Variants in PKP4 observed in about 807,000 individuals in gnomAD.
PKP4 encodes the protein plakophilin-4.
PKP4 carries 90 observed loss-of-function variants against 145.1 expected under a neutral mutation model. The observed-to-expected ratio is 0.62, with a 90% confidence interval of 0.52 to 0.74. The LOEUF is 0.74. Among genes scored for constraint, PKP4 ranks in the 30% least tolerant of loss-of-function variants. The probability of loss-of-function intolerance (pLI) is 0.00; values close to 1 mark genes in which losing one functional copy is unlikely to be tolerated. For synonymous variants in PKP4, 563 were observed against 577.2 expected, an observed-to-expected ratio of 0.98 and a Z score of 0.35; for missense variants, 1,340 against 1,482.7, an observed-to-expected ratio of 0.90 and a Z score of 1.58.
At chr2:158,541,850 A>C (rs1290515333) in intron 2 of PKP4, among the ~76,000 whole-genome samples, 2 of 152,228 alleles carry the variant, frequency 1.3e-5, no homozygotes, top group East Asian at 3.9e-4. Context: ...TCATTTAAAA[A>C]TTTTCCCCAA....
At chr2:158,571,119 C>A (rs1373965042) in intron 2 of PKP4, among the ~76,000 whole-genome samples, 2 of 152,144 alleles carry the variant, frequency 1.3e-5, no homozygotes, top group African/African-American at 4.8e-5. Flanking sequence ...TGAGCGCCTA[C>A]TGCTGTTTCT....
intron 10 of PKP4, among the ~76,000 whole-genome samples, chr2:158,642,267 G>C (rs193107671): frequency 6.6e-6 from 1 of 152,100 alleles, no homozygotes; most frequent in African/African-American, 2.4e-5. Context: ...CAAGTGATCC[G>C]CCCATCTTGG....
At chr2:158,628,610 C>G (rs917718783) in intron 7 of PKP4, among the ~76,000 whole-genome samples, 1 of 152,152 alleles carries the variant, frequency 6.6e-6, no homozygotes, top group African/African-American at 2.4e-5. Flanking sequence ...TACTAATGAT[C>G]CTATAACGAG....
At chr2:158,560,373 A>G (rs1272331473) in intron 2 of PKP4, among the ~76,000 whole-genome samples, 1 of 152,098 alleles carries the variant, frequency 6.6e-6, no homozygotes, top group East Asian at 1.9e-4. Flanking sequence ...CCTTCTTGTG[A>G]TTTTATGTAA....
intron 1 of PKP4, among the ~76,000 whole-genome samples, chr2:158,515,367 C>T (rs1424124493): frequency 4.0e-5 from 6 of 151,764 alleles, no homozygotes; most frequent in Admixed American, 3.3e-4. Context: ...ATCTGTAGTC[C>T]CAGCCTACTT....
At chr2:158,536,281 TTATG>T (rs2044035080) in intron 2 of PKP4, among the ~76,000 whole-genome samples, 1 of 152,214 alleles carries the variant, frequency 6.6e-6, no homozygotes, top group Admixed American at 6.5e-5. Context: ...ACATACAATT[TTATG>T]TATATGTTAT....
At chr2:158,559,086 C>T (rs1232329512) in intron 2 of PKP4, among the ~76,000 whole-genome samples, 2 of 152,188 alleles carry the variant, frequency 1.3e-5, no homozygotes, top group Non-Finnish European at 2.9e-5. Flanking sequence ...AAGGCCTTGT[C>T]TGTTTTTAGA....
chr2:158,621,363 G>C lies in PKP4; in HGVS notation c.545G>C (p.Gly182Ala). 2 of 1,614,136 alleles carry C rather than the reference G, an allele frequency of 1.2e-6. No individual in the cohort carries two copies. The highest frequency in any genetic ancestry group is 1.7e-6 in the Non-Finnish European group (2 of 1,180,006). ...AACAGACAGCAGCATTCATTCATAG[G>C]ATCAACTAACAACCATGTGGTGAGG... ...ADNRQQHSFI[G>A]STNNHVVRNS... is the part of the protein sequence containing the mutation. The change falls in exon 6 of 22, where the codon GGA becomes GCA. Residue 182 changes from glycine (G) to alanine (A), a missense_variant. By Grantham distance (60) the Gly-to-Ala change is moderately conservative. Coordinates refer to ENST00000389759, the MANE Select transcript of PKP4 (RefSeq NM_003628.6).
At chr2:158,648,621 T>C (rs1338842290) in intron 11 of PKP4, among the ~76,000 whole-genome samples, 1 of 152,212 alleles carries the variant, frequency 6.6e-6, no homozygotes, top group Non-Finnish European at 1.5e-5. Flanking sequence ...TGTTAGAAGC[T>C]ATGTGGGTCA....
intron 7 of PKP4, among the ~76,000 whole-genome samples, chr2:158,629,879 G>A (rs868046617): frequency 1.0e-3 from 158 of 152,116 alleles, no homozygotes; most frequent in African/African-American, 3.5e-3. Context: ...GATTACAGGC[G>A]CCTGCCACCA....
intron 2 of PKP4, among the ~76,000 whole-genome samples, chr2:158,541,570 T>C (rs2044521568): frequency 6.6e-6 from 1 of 150,474 alleles, no homozygotes; most frequent in African/African-American, 2.4e-5. Context: ...TGAAGACAAA[T>C]AACATCCTAT....
At chr2:158,483,192 C>CT (rs1226798450) in intron 1 of PKP4, among the ~76,000 whole-genome samples, 1 of 151,906 alleles carries the variant, frequency 6.6e-6, no homozygotes, top group African/African-American at 2.4e-5. Flanking sequence ...TTTTCTTTTT[C>CT]TTTTTTGTTT....
chr2:158,502,743 T>G (rs907885339), intron 1 of PKP4, among the ~76,000 whole-genome samples: 5 of 152,210 alleles, frequency 3.3e-5, no homozygotes, highest in Non-Finnish European at 5.9e-5. Context: ...AAAAGTTGGG[T>G]TAACCCGCAT....
chr2:158,493,702 G>A (rs1355727667), intron 1 of PKP4, among the ~76,000 whole-genome samples: 1 of 152,242 alleles, frequency 6.6e-6, no homozygotes, highest in East Asian at 1.9e-4. Context: ...GTCTAGCACT[G>A]CTGCATGAGG....
rs368600591 is a variant in PKP4, at chr2:158,467,480, A to G, written c.-6+10262A>G. On this transcript the variant is annotated intron_variant, in intron 1 of 21. Coordinates refer to ENST00000389759, the MANE Select transcript of PKP4 (RefSeq NM_003628.6). ...GGTGGGAGGATGACTTGAGCCTGGG[A>G]GGGCAAGACTGCAGTGAGCCATGAT... Among the ~76,000 whole-genome samples, 13 of 147,420 alleles carry G rather than the reference A, an allele frequency of 8.8e-5. 2 individuals carry two copies. Among genetic ancestry groups the G allele is most frequent in the Admixed American group, 7.0e-4 (10 of 14,296 alleles).
At chr2:158,549,487 T>C (rs1011956021) in intron 2 of PKP4, among the ~76,000 whole-genome samples, 4 of 152,204 alleles carry the variant, frequency 2.6e-5, no homozygotes, top group Admixed American at 2.6e-4. Context: ...TGGTTGAATA[T>C]GTTCCTTCCC....
chr2:158,469,858 G>A (rs1457158404), intron 1 of PKP4, among the ~76,000 whole-genome samples: 2 of 152,166 alleles, frequency 1.3e-5, no homozygotes, highest in Admixed American at 1.3e-4. Flanking sequence ...AATAAGTTGT[G>A]TATTTCCTGA....
intron 2 of PKP4, among the ~76,000 whole-genome samples, chr2:158,572,089 A>G (rs1242727549): frequency 1.3e-5 from 2 of 152,200 alleles, no homozygotes; most frequent in Non-Finnish European, 2.9e-5. Flanking sequence ...AAGAAGAAAG[A>G]GATTTCACAC....
rs140156968 is a variant in PKP4, at chr2:158,540,160, T to C, written c.132+6844T>C. Among the ~76,000 whole-genome samples the C allele has an allele frequency of 3.9e-5, 6 of 152,328 alleles. No homozygotes were observed. In the East Asian group the frequency reaches 9.6e-4, roughly 24 times the overall value. ...TGCTAGCAAAGCTTCCAGTCTTATA[T>C]GTCCTCAACTATATATTCAGAATAA... On this transcript the variant is annotated intron_variant, in intron 2 of 21. Coordinates refer to ENST00000389759, the MANE Select transcript of PKP4 (RefSeq NM_003628.6).
Sources: gnomAD v4.1 joint callset for allele counts (sites outside exome capture counted in the v4.1 genomes callset) on GRCh38, gnomAD v4.1.1 for gene constraint, MANE v1.5 for transcripts, NCBI Gene and HGNC (gene_info 2026-07-23, HGNC 2026-07-21) for gene names.